The following SLC22A23 variants were observed in gnomAD, a reference collection of about 807,000 sequenced individuals.
The protein encoded by SLC22A23 is solute carrier family 22 member 23, also known as ion transporter protein.
A neutral mutation model predicts 61.0 loss-of-function variants in SLC22A23; 26 were observed. The observed-to-expected ratio is 0.43, with a 90% CI of 0.31 to 0.59. SLC22A23 has a LOEUF of 0.59. Ranked by LOEUF, SLC22A23 falls within the 20% of genes least tolerant of loss-of-function variation. The pLI is 0.11. For synonymous variants in SLC22A23, 430 were observed against 413.9 expected (o/e 1.04, Z -0.47); for missense variants, 796 against 934.7 (o/e 0.85, Z 1.94).
chr6:3,278,570 G>C (rs1362756019), intron 9 of SLC22A23, among the ~76,000 whole-genome samples: 1 of 152,200 alleles, frequency 6.6e-6, no homozygotes. Context: ...CGTGCTGTTT[G>C]TGCTTAATAA....
At chr6:3,412,621 C>A (rs575574956) in intron 2 of SLC22A23, among the ~76,000 whole-genome samples, 6 of 152,160 alleles carry the variant, frequency 3.9e-5, no homozygotes, top group Non-Finnish European at 8.8e-5. Flanking sequence ...GAACAATGGT[C>A]CTCAAATCTG....
chr6:3,351,578 C>G (rs956129266), intron 3 of SLC22A23, among the ~76,000 whole-genome samples: 1 of 152,164 alleles, frequency 6.6e-6, no homozygotes, highest in African/African-American at 2.4e-5. Context: ...CAACAGCCCT[C>G]TCTGTGGCTT....
At position 3,456,118 on chromosome 6, in the gene SLC22A23, C is replaced by G. The variant is rs756677336; in HGVS notation, c.442G>C (p.Asp148His). 1.3e-6 allele frequency: 2 copies of G among 1,550,870 alleles called. No individual in the cohort carries two copies. The highest frequency in any genetic ancestry group is 2.4e-5 in the South Asian group (2 of 84,044). The change falls in exon 1 of 10, where the codon GAC becomes CAC. Residue 148 changes from aspartate (D) to histidine (H), a missense_variant. Asp to His is a moderately conservative substitution (Grantham distance 81). Coordinates refer to ENST00000406686, the MANE Select transcript of SLC22A23 (RefSeq NM_015482.2). The surrounding 1 kb of genome is among the most constrained non-coding windows in gnomAD (Gnocchi z 7.1). ...AGVTTTGRGGDMGNWTSLPTT... is the reference protein window; with the variant it reads ...AGVTTTGRGGHMGNWTSLPTT... ...GGGAGGCTGGTCCAGTTGCCCATGT[C>G]CCCGCCCCGGCCTGTGGTGGTGACC... is the stretch of plus-strand genomic sequence containing the variant.
rs1767572826 is a variant in SLC22A23, at chr6:3,390,113, C to T, written c.913+20075G>A. Among the ~76,000 whole-genome samples the T allele has an allele frequency of 6.6e-6, 1 of 152,202 alleles. No individual in the cohort carries two copies. Among genetic ancestry groups the T allele is most frequent in the African/African-American group, 2.4e-5 (1 of 41,458 alleles). ...AGTTGCCACCATCCGTCCGTGGGCT[C>T]ATCCGGAACAGCAACCAGCGGTGAG... On this transcript the variant is annotated intron_variant, in intron 3 of 9. Coordinates refer to ENST00000406686, the MANE Select transcript of SLC22A23 (RefSeq NM_015482.2). This position sits in a 1 kb window ranked among gnomAD's most constrained non-coding sequence, Gnocchi z 4.0.
chr6:3,412,968 G>T (rs1228990901), intron 2 of SLC22A23, among the ~76,000 whole-genome samples: 4 of 152,190 alleles, frequency 2.6e-5, no homozygotes, highest in Non-Finnish European at 5.9e-5. Context: ...TTAGACCAGT[G>T]AGACCTTTGT....
intron 4 of SLC22A23, among the ~76,000 whole-genome samples, chr6:3,301,463 GTC>G (rs1761602626): frequency 6.6e-6 from 1 of 152,218 alleles, no homozygotes; most frequent in African/African-American, 2.4e-5. Context: ...TTCGCAGGTA[GTC>G]TCTACAGTTT....
chr6:3,425,371 G>A (rs576813906), intron 1 of SLC22A23, among the ~76,000 whole-genome samples: 28 of 138,054 alleles, frequency 2.0e-4, no homozygotes, highest in African/African-American at 6.3e-4. Context: ...TGCAAGCTCC[G>A]CCTCCCAGAT....
chr6:3,421,378 CTGTT>C (rs1164780051), intron 1 of SLC22A23, among the ~76,000 whole-genome samples: 4 of 152,156 alleles, frequency 2.6e-5, no homozygotes, highest in Admixed American at 2.6e-4. Context: ...ATGATTTTCA[CTGTT>C]TGTAACTTAT....
At chr6:3,325,839 CT>C (rs1763248113) in intron 3 of SLC22A23, among the ~76,000 whole-genome samples, 3 of 152,240 alleles carry the variant, frequency 2.0e-5, no homozygotes, top group Admixed American at 2.0e-4. Context: ...AAATTCAGCA[CT>C]TGGCCATCCA....
intron 3 of SLC22A23, among the ~76,000 whole-genome samples, chr6:3,346,408 G>A (rs1300545806): frequency 6.6e-6 from 1 of 152,124 alleles, no homozygotes. Flanking sequence ...ACTGGGGGCA[G>A]CAACCCCTTC....
rs1347580543 is a variant in SLC22A23 at position 3,414,683 on chromosome 6, G to A, written c.758+1069C>T. Among the ~76,000 whole-genome samples, 3 of 144,822 alleles carry A rather than the reference G, an allele frequency of 2.1e-5. No individual in the cohort carries two copies. The highest frequency in any genetic ancestry group is 3.0e-5 in the Non-Finnish European group (2 of 67,226). ...ATAGAATTTGTTCCATATCACTCTGGGCCCTTATTTCCTCAAGGCCAAGAT... is the reference window on the plus strand; with the variant it reads ...ATAGAATTTGTTCCATATCACTCTGAGCCCTTATTTCCTCAAGGCCAAGAT... On this transcript the variant is annotated intron_variant, in intron 2 of 9. Transcript: ENST00000406686. This position sits in a 1 kb window ranked among gnomAD's most constrained non-coding sequence, Gnocchi z 5.1.
chr6:3,273,502 G>A (rs1758621433), intron 9 of SLC22A23, 90 bp from the exon 10 acceptor site: 2 of 1,418,454 alleles, frequency 1.4e-6, no homozygotes, highest in South Asian at 1.2e-5. Context: ...AGCCACCTCT[G>A]CAGGGGCCCT....
chr6:3,443,387 A>G (rs565724935), intron 1 of SLC22A23, among the ~76,000 whole-genome samples: 3 of 152,266 alleles, frequency 2.0e-5, no homozygotes, highest in African/African-American at 7.2e-5. Context: ...TGACTGTCCA[A>G]CGGCTCCTTC....
chr6:3,368,304 C>T lies in SLC22A23; in HGVS notation c.913+41884G>A, dbSNP rs116287178. Among the ~76,000 whole-genome samples, 1,172 of 152,310 alleles carry T rather than the reference C, an allele frequency of 7.7e-3. 13 individuals carry two copies. The highest frequency in any genetic ancestry group is 0.026 in the African/African-American group (1,093 of 41,552). ...CGAGGCCCTTGCACCCCATGCTCAACCCGAGCTGCTCCTTGGCCATGTAAT... is the reference window on the plus strand; with the variant it reads ...CGAGGCCCTTGCACCCCATGCTCAATCCGAGCTGCTCCTTGGCCATGTAAT... On this transcript the variant is annotated intron_variant, in intron 3 of 9. Coordinates refer to ENST00000406686, the MANE Select transcript of SLC22A23 (RefSeq NM_015482.2).
At position 3,444,946 on chromosome 6, in the gene SLC22A23, C is replaced by T. The variant is rs73723009; in HGVS notation, c.654+10960G>A. ...TCAAAGTGCTTCTCAGACGACTCAT[C>T]CCGGTCGTCCTCACCCCACCAAGGG... On this transcript the variant is annotated intron_variant, in intron 1 of 9. Transcript: ENST00000406686. 861 of 985,518 alleles carry T rather than the reference C, an allele frequency of 8.7e-4. 8 individuals are homozygous for T. The African/African-American group carries it at 0.014, about 16-fold the overall frequency. 61.0% of individuals were successfully genotyped at this position (985,518 alleles called of 1,614,324 possible). A position where few individuals can be genotyped will look rare whatever the true frequency, so the allele number is the denominator to read the frequency against.
At chr6:3,364,891 G>A (rs995394295) in intron 3 of SLC22A23, among the ~76,000 whole-genome samples, 22 of 152,310 alleles carry the variant, frequency 1.4e-4, no homozygotes, top group African/African-American at 4.3e-4. Flanking sequence ...CTGGCGGTGT[G>A]GTGGAGAGGG....
chr6:3,373,781 C>T (rs1766378783), intron 3 of SLC22A23, among the ~76,000 whole-genome samples: 1 of 152,156 alleles, frequency 6.6e-6, no homozygotes, highest in Non-Finnish European at 1.5e-5. Flanking sequence ...GACAGTGACA[C>T]TGTGATCGCT....
At chr6:3,281,865 A>G (rs1759502792) in intron 9 of SLC22A23, among the ~76,000 whole-genome samples, 1 of 152,186 alleles carries the variant, frequency 6.6e-6, no homozygotes, top group Admixed American at 6.5e-5. Flanking sequence ...CTGCAGGCAC[A>G]AAAGCATCAC....
At chr6:3,336,433 C>A in intron 3 of SLC22A23, among the ~76,000 whole-genome samples, 1 of 152,224 alleles carries the variant, frequency 6.6e-6, no homozygotes. Context: ...TATTTCAATA[C>A]TGCTAAAAAT....
Sources: gnomAD v4.1 joint callset for allele counts (sites outside exome capture counted in the v4.1 genomes callset) on GRCh38, gnomAD v4.1.1 for gene constraint, Gnocchi (gnomAD v3.1) non-coding constraint, MANE v1.5 for transcripts, NCBI Gene and HGNC (gene_info 2026-07-23, HGNC 2026-07-21) for gene names.